The following NIPBL variants were observed in gnomAD, a reference collection of about 807,000 sequenced individuals.
NIPBL encodes nipped-B-like protein.
In NIPBL, 19 loss-of-function variants were observed where a neutral mutation model predicts 321.8. The observed-to-expected ratio is 0.06, with a 90% CI of 0.04 to 0.09. The LOEUF is 0.09. NIPBL is among the 10% of genes least tolerant of loss of function. NIPBL has a pLI of 1.00. For synonymous variants in NIPBL, 1,106 were observed against 1,114.1 expected, an observed-to-expected ratio of 0.99 and a Z score of 0.14; for missense variants, 2,210 against 3,327.0, an observed-to-expected ratio of 0.66 and a Z score of 8.26.
At chr5:36,981,822 G>A (rs184876467) in intron 9 of NIPBL, among the ~76,000 whole-genome samples, 1 of 151,676 alleles carries the variant, frequency 6.6e-6, no homozygotes, top group Non-Finnish European at 1.5e-5. Flanking sequence ...TATAGCCCTT[G>A]TTAAAAGTCA....
chr5:36,886,502 G>T (rs1745917114), intron 1 of NIPBL: 3 of 750,268 alleles, frequency 4.0e-6, no homozygotes, highest in Non-Finnish European at 7.2e-6. Flanking sequence ...CATTAAGTCA[G>T]CAGAAGCAGG....
chr5:37,039,432 A>G (rs1261141051), intron 34 of NIPBL, among the ~76,000 whole-genome samples: 1 of 151,966 alleles, frequency 6.6e-6, no homozygotes, highest in Non-Finnish European at 1.5e-5. Flanking sequence ...GTAGTAAGAC[A>G]TTGCTTAAGT....
intron 10 of NIPBL, among the ~76,000 whole-genome samples, chr5:36,989,369 T>G (rs531433205): frequency 2.6e-5 from 4 of 152,292 alleles, no homozygotes; most frequent in Non-Finnish European, 4.4e-5. Context: ...TGTTTATTCC[T>G]TGCCTGGGAG....
chr5:37,020,477 A>G lies in NIPBL; in HGVS notation c.5029A>G (p.Ile1677Val), dbSNP rs1477087291. ...TTTCCAGTTTTCTCGTAAATTCTAT[A>G]TAGCCCAGTGGTTTCGAGACACAAC... Reference protein sequence around the residue: ...PSLVFSRKFYIAQWFRDTTLE... With the variant: ...PSLVFSRKFYVAQWFRDTTLE... The change falls in exon 26 of 47, where the codon ATA becomes GTA. Residue 1677 changes from isoleucine to valine, a missense_variant. Physicochemically the swap from Ile to Val is conservative, Grantham distance 29. Coordinates refer to ENST00000282516, the MANE Select transcript of NIPBL (RefSeq NM_133433.4). 2.5e-6 allele frequency: 4 copies of G among 1,612,578 alleles called. No homozygotes were observed. Among genetic ancestry groups the G allele is most frequent in the Admixed American group, 1.7e-5 (1 of 60,024 alleles).
chr5:37,018,239 A>G (rs373113576), intron 24 of NIPBL, among the ~76,000 whole-genome samples: 8 of 152,326 alleles, frequency 5.3e-5, no homozygotes, highest in African/African-American at 1.9e-4. Context: ...TATTTCTGCA[A>G]ACAAGAGCTC....
intron 1 of NIPBL, among the ~76,000 whole-genome samples, chr5:36,940,454 A>C (rs1368175804): frequency 6.6e-6 from 1 of 152,140 alleles, no homozygotes. Flanking sequence ...TACCAGTTAC[A>C]TAATCTTCTT....
At chr5:36,999,908 A>T (rs1248030324) in intron 11 of NIPBL, among the ~76,000 whole-genome samples, 5 of 152,162 alleles carry the variant, frequency 3.3e-5, no homozygotes, top group Non-Finnish European at 7.4e-5. Context: ...GTACATGGTT[A>T]CCCATATTCT....
At chr5:36,929,317 T>C (rs1329370956) in intron 1 of NIPBL, among the ~76,000 whole-genome samples, 1 of 152,102 alleles carries the variant, frequency 6.6e-6, no homozygotes, top group Non-Finnish European at 1.5e-5. Flanking sequence ...TGAAGTGATA[T>C]TGAGCACTTT....
chr5:37,003,334 C>A lies in NIPBL; in HGVS notation c.3842C>A (p.Thr1281Asn). The change falls in exon 16 of 47, where the codon ACT (threonine) becomes AAT (asparagine). Residue 1281 changes from threonine (T) to asparagine (N), a missense_variant. By Grantham distance (65) the Thr-to-Asn change is moderately conservative. Transcript: ENST00000282516. Reference protein sequence around the residue: ...KNIQDGSKLSTLLNHNNDTEE... With the variant: ...KNIQDGSKLSNLLNHNNDTEE... ...ATTCAGGATGGGTCAAAGCTTTCCACTTTGTTAAATCATGTAAGTTTAAGA... is the reference window on the plus strand; with the variant it reads ...ATTCAGGATGGGTCAAAGCTTTCCAATTTGTTAAATCATGTAAGTTTAAGA... 1 of 1,594,732 alleles carries A rather than the reference C, an allele frequency of 6.3e-7. No homozygotes were observed. Among genetic ancestry groups the A allele is most frequent in the Non-Finnish European group, 8.6e-7 (1 of 1,163,116 alleles).
intron 1 of NIPBL, among the ~76,000 whole-genome samples, chr5:36,910,087 A>G (rs886607167): frequency 7.2e-5 from 11 of 152,046 alleles, no homozygotes; most frequent in East Asian, 3.9e-4. Context: ...AAAAAAAAAA[A>G]GAATGTTATG....
chr5:36,932,256 G>A (rs1294087427), intron 1 of NIPBL, among the ~76,000 whole-genome samples: 1 of 152,126 alleles, frequency 6.6e-6, no homozygotes, highest in Non-Finnish European at 1.5e-5. Flanking sequence ...CTTAAGTTAG[G>A]TCATTTTGGC....
chr5:36,927,483 CCAAT>C (rs1749450618), intron 1 of NIPBL, among the ~76,000 whole-genome samples: 1 of 151,966 alleles, frequency 6.6e-6, no homozygotes, highest in African/African-American at 2.4e-5. Flanking sequence ...GTGAAAAAGA[CCAAT>C]TAAGAGTCTG....
chr5:37,015,866 T>TTTGTGA (rs759346713), intron 22 of NIPBL, among the ~76,000 whole-genome samples, 172 bp from the exon 23 acceptor site: 9 of 152,130 alleles, frequency 5.9e-5, no homozygotes, highest in Non-Finnish European at 8.8e-5. Flanking sequence ...GAAAGTGGAG[T>TTTGTGA]TTGTGAAATA....
chr5:36,908,091 A>G lies in NIPBL; in HGVS notation c.-80+30913A>G, dbSNP rs370931815. On this transcript the variant is annotated intron_variant, in intron 1 of 46. Transcript: ENST00000282516. ...ATGCATCCTTTTGAAAGGTAATGTG[A>G]TTAACACAAAGATTCATAAATATTT... 1.8e-3 allele frequency among the ~76,000 whole-genome samples: 276 copies of G among 152,330 alleles called. 10 individuals carry two copies. In the South Asian group the frequency reaches 0.055, roughly 31 times the overall value.
At chr5:36,987,447 A>C (rs1209018156) in intron 10 of NIPBL, among the ~76,000 whole-genome samples, 1 of 152,192 alleles carries the variant, frequency 6.6e-6, no homozygotes, top group East Asian at 1.9e-4. Flanking sequence ...TTGCATCATC[A>C]CAAAGTTGTA....
At chr5:37,042,904 C>G (rs1222986049) in intron 34 of NIPBL, among the ~76,000 whole-genome samples, 1 of 147,972 alleles carries the variant, frequency 6.8e-6, no homozygotes, top group Non-Finnish European at 1.5e-5. Flanking sequence ...CGCGCGCACA[C>G]ACACACACAC....
At chr5:36,940,369 C>T (rs936584376) in intron 1 of NIPBL, among the ~76,000 whole-genome samples, 1 of 152,116 alleles carries the variant, frequency 6.6e-6, no homozygotes, top group African/African-American at 2.4e-5. Flanking sequence ...GCCCCTTCAG[C>T]TTGTCTGTCA....
At chr5:36,988,286 G>T (rs1745077451) in intron 10 of NIPBL, among the ~76,000 whole-genome samples, 1 of 152,096 alleles carries the variant, frequency 6.6e-6, no homozygotes, top group Admixed American at 6.6e-5. Context: ...GGTCATGTTA[G>T]TATGTAAGTA....
At chr5:37,041,611 G>C (rs1281612968) in intron 34 of NIPBL, among the ~76,000 whole-genome samples, 2 of 150,168 alleles carry the variant, frequency 1.3e-5, no homozygotes, top group African/African-American at 4.9e-5. Context: ...TGCCCAGGCT[G>C]GAGTACAGTC....
Sources: allele counts gnomAD v4.1 joint callset (sites outside exome capture counted in the v4.1 genomes callset), GRCh38; gene constraint gnomAD v4.1.1; transcripts MANE v1.5; gene names NCBI Gene and HGNC (gene_info 2026-07-23, HGNC 2026-07-21).